Variants in EXTL3 observed in about 807,000 individuals in gnomAD.
EXTL3 encodes exostosin like glycosyltransferase 3, also known as exostosin-like 3.
EXTL3 carries 27 observed loss-of-function variants against 69.3 expected under a neutral mutation model. The observed-to-expected ratio is 0.39, with a 90% confidence interval of 0.29 to 0.54. The LOEUF is 0.54. EXTL3 is among the 20% of genes least tolerant of loss of function. The pLI is 0.69. For missense variants in EXTL3, 1,003 were observed against 1,231.8 expected, an observed-to-expected ratio of 0.81 and a Z score of 2.78; for synonymous variants, 511 against 499.4, an observed-to-expected ratio of 1.02 and a Z score of -0.31.
Position 28,731,339 on chromosome 8 carries a change from G to A in EXTL3, c.2265G>A (p.Met755Ile), listed in dbSNP as rs756367170. The change falls in exon 4 of 7, where the codon ATG becomes ATA. Residue 755 changes from methionine (M) to isoleucine (I), a missense_variant. By Grantham distance (10) the Met-to-Ile change is conservative. Transcript: ENST00000220562. ...DDAHLRHDEI[M>I]FGFRVWREAR... ...CTCACCTCCGCCATGACGAAATCATGTTTGGGTTCCGGTGAGAGACTAATT... is the reference window on the plus strand; with the variant it reads ...CTCACCTCCGCCATGACGAAATCATATTTGGGTTCCGGTGAGAGACTAATT... The A allele has an allele frequency of 1.9e-6, 3 of 1,614,242 alleles. No homozygotes were observed. The highest frequency in any genetic ancestry group is 1.6e-4 in the Middle Eastern group (1 of 6,062).
At chr8:28,674,393 A>G (rs1305607593) in intron 1 of EXTL3, among the ~76,000 whole-genome samples, 1 of 152,208 alleles carries the variant, frequency 6.6e-6, no homozygotes, top group East Asian at 1.9e-4. Context: ...ACTTTCGAAC[A>G]TTTTGGAAAA....
At chr8:28,608,092 A>T (rs935399124) in intron 2 of EXTL3, among the ~76,000 whole-genome samples, 2 of 151,366 alleles carry the variant, frequency 1.3e-5, no homozygotes, top group African/African-American at 4.9e-5. Flanking sequence ...CCTGGGCGAC[A>T]GAGCGAGACA....
In EXTL3 at chr8:28,716,609, G is replaced by C; in HGVS notation, c.550G>C (p.Asp184His). The C allele has an allele frequency of 6.2e-7, 1 of 1,614,208 alleles. No homozygotes were observed. The highest frequency in any genetic ancestry group is 8.5e-7 in the Non-Finnish European group (1 of 1,180,034). The stretch of plus-strand genomic sequence containing the variant: ...GGGCTGCCGGCTACACAACTGCTTT[G>C]ATTATTCTCGTTGCCCTCTCACCTC... ...TRGCRLHNCF[D>H]YSRCPLTSGF... The change falls in exon 3 of 7, where the codon GAT (aspartate) becomes CAT (histidine). Residue 184 changes from aspartate to histidine, a missense_variant. By Grantham distance (81) the Asp-to-His change is moderately conservative. Coordinates refer to ENST00000220562, the MANE Select transcript of EXTL3 (RefSeq NM_001440.4). This position sits in a 1 kb window ranked among gnomAD's most constrained non-coding sequence, Gnocchi z 7.1.
intron 6 of EXTL3, among the ~76,000 whole-genome samples, chr8:28,748,115 G>A (rs1801927681): frequency 6.6e-6 from 1 of 152,184 alleles, no homozygotes; most frequent in Admixed American, 6.5e-5. Context: ...GCTCATGCCT[G>A]TAATCCCAAC....
chr8:28,652,458 G>A (rs1169650434), intron 1 of EXTL3, among the ~76,000 whole-genome samples: 1 of 151,776 alleles, frequency 6.6e-6, no homozygotes, highest in Non-Finnish European at 1.5e-5. Context: ...GGAGTTCCAG[G>A]CCAGCCTGCG....
chr8:28,689,598 ATACT>A (rs1800581056), intron 1 of EXTL3, among the ~76,000 whole-genome samples: 1 of 152,182 alleles, frequency 6.6e-6, no homozygotes, highest in Non-Finnish European at 1.5e-5. Flanking sequence ...TTTCACCTCA[ATACT>A]TATAGTTTTA....
intron 2 of EXTL3, among the ~76,000 whole-genome samples, chr8:28,616,379 A>T (rs1806330809): frequency 6.6e-6 from 1 of 152,178 alleles, no homozygotes; most frequent in Non-Finnish European, 1.5e-5. Flanking sequence ...TAATCCCAGC[A>T]CTTTGGGAGG....
chr8:28,665,373 C>T (rs1807179851), intron 1 of EXTL3, among the ~76,000 whole-genome samples: 2 of 151,350 alleles, frequency 1.3e-5, no homozygotes, highest in African/African-American at 4.9e-5. Flanking sequence ...CCACGTCTGG[C>T]CACCTTTACT....
intron 1 of EXTL3, among the ~76,000 whole-genome samples, chr8:28,684,142 G>A (rs1807539159): frequency 6.6e-6 from 1 of 152,170 alleles, no homozygotes; most frequent in Admixed American, 6.6e-5. Context: ...CCTCCCTTGT[G>A]TATATGCACC....
intron 1 of EXTL3, among the ~76,000 whole-genome samples, chr8:28,637,023 G>C (rs146578209): frequency 0.012 from 1,806 of 148,920 alleles, 26 homozygotes; most frequent in Middle Eastern, 0.021. Flanking sequence ...GGGGCGGGGA[G>C]AGGGAGGGAG....
chr8:28,633,982 A>T (rs1806614125), intron 1 of EXTL3, among the ~76,000 whole-genome samples: 1 of 152,144 alleles, frequency 6.6e-6, no homozygotes, highest in South Asian at 2.1e-4. Context: ...ATCTGGTAGG[A>T]GTGGAAATCC....
intron 1 of EXTL3, among the ~76,000 whole-genome samples, chr8:28,658,727 C>T (rs1457216765): frequency 1.3e-5 from 2 of 152,030 alleles, no homozygotes; most frequent in African/African-American, 4.8e-5. Context: ...ATTACAGGTG[C>T]CCACCACCAT....
chr8:28,643,559 C>T (rs1041585321), intron 1 of EXTL3, among the ~76,000 whole-genome samples: 95 of 151,742 alleles, frequency 6.3e-4, no homozygotes, highest in Non-Finnish European at 9.9e-4. Flanking sequence ...GGACTACAGG[C>T]GCCCGCTACC....
rs975724942 is a variant in EXTL3, at chr8:28,709,776, C to T, written c.-569-3681C>T. Among the ~76,000 whole-genome samples, 5 of 152,062 alleles carry T rather than the reference C, an allele frequency of 3.3e-5. No homozygotes were observed. In the South Asian group the frequency reaches 6.2e-4, roughly 19 times the overall value. ...CGTGAGTAATGTTCCTGCAGATAATCGCAGTTTGCTATTGTGATAAGGGAT... is the reference window on the plus strand; with the variant it reads ...CGTGAGTAATGTTCCTGCAGATAATTGCAGTTTGCTATTGTGATAAGGGAT... On this transcript the variant is annotated intron_variant, in intron 1 of 6. Transcript: ENST00000220562.
Position 28,745,808 on chromosome 8 carries a change from C to T in EXTL3, c.2550+2594C>T, listed in dbSNP as rs146142116. 1.9e-3 allele frequency among the ~76,000 whole-genome samples: 292 copies of T among 152,352 alleles called. 2 individuals are homozygous for T. The highest frequency in any genetic ancestry group is 6.8e-3 in the Middle Eastern group (2 of 294). On this transcript the variant is annotated intron_variant, in intron 6 of 6. Coordinates refer to ENST00000220562, the MANE Select transcript of EXTL3 (RefSeq NM_001440.4). ...GCCAGTGTTTCATTAGTTAAGCCAT[C>T]TCTTCAGTGCAGGTGGAAGTAATTT... is the stretch of plus-strand genomic sequence containing the variant.
chr8:28,712,444 A>G (rs1801049593), intron 1 of EXTL3, among the ~76,000 whole-genome samples: 1 of 152,200 alleles, frequency 6.6e-6, no homozygotes. Context: ...AATGGAGGCC[A>G]GCTGGCAAGT....
At position 28,754,919 on chromosome 8, in the gene EXTL3, T is replaced by C. The variant is rs962551066; in HGVS notation, c.*4053T>C. On this transcript the variant is annotated 3_prime_UTR_variant, in exon 7 of 7. Coordinates refer to ENST00000220562, the MANE Select transcript of EXTL3 (RefSeq NM_001440.4). ...TCTCTACAAAAAAATTAGAATGTTA[T>C]GAAGATACTGAAAAGAAGAAAGGAG... is the stretch of plus-strand genomic sequence containing the variant. The C allele has an allele frequency of 2.6e-5, 4 of 152,226 alleles. No homozygotes were observed. Among genetic ancestry groups the C allele is most frequent in the South Asian group, 2.1e-4 (1 of 4,828 alleles). The allele number at this position is 152,226 out of a possible 1,614,324, so 9.4% of individuals were successfully genotyped here.
chr8:28,741,037 GTC>G (rs1312680349), intron 5 of EXTL3: 1 of 152,000 alleles, frequency 6.6e-6, no homozygotes, highest in Non-Finnish European at 1.5e-5. Context: ...GCTCACTGCA[GTC>G]TCTGCCTCCT....
At chr8:28,740,328 G>T (rs1299733028) in intron 5 of EXTL3, 1 of 152,224 alleles carries the variant, frequency 6.6e-6, no homozygotes, top group Non-Finnish European at 1.5e-5. Context: ...GTGTGGCCCA[G>T]GCTGGAGTGC....
Sources: gnomAD v4.1 joint callset for allele counts (sites outside exome capture counted in the v4.1 genomes callset) on GRCh38, gnomAD v4.1.1 for gene constraint, Gnocchi (gnomAD v3.1) non-coding constraint, MANE v1.5 for transcripts, NCBI Gene and HGNC (gene_info 2026-07-23, HGNC 2026-07-21) for gene names.